The following KIF17 variants were observed in gnomAD, a reference collection of about 807,000 sequenced individuals.
The protein encoded by KIF17 is kinesin-like protein KIF17.
A neutral mutation model predicts 96.8 loss-of-function variants in KIF17; 80 were observed. That is an observed-to-expected ratio of 0.83 (90% CI 0.69 to 1.00). The LOEUF is 1.00. Ranked by LOEUF, KIF17 falls within the 50% of genes least tolerant of loss-of-function variation. The probability of loss-of-function intolerance (pLI) is 0.00; values close to 1 mark genes in which losing one functional copy is unlikely to be tolerated. For missense variants in KIF17, 1,280 were observed against 1,372.9 expected (o/e 0.93, Z 1.07); for synonymous variants, 567 against 587.5 (o/e 0.97, Z 0.51).
chr1:20,713,300 A>G (rs2054510655), intron 3 of KIF17, among the ~76,000 whole-genome samples, 154 bp downstream of exon 3: 1 of 150,982 alleles, frequency 6.6e-6, no homozygotes, highest in South Asian at 2.1e-4. Context: ...CTGCCTAAAA[A>G]AGTTTTTTTT....
At position 20,672,780 on chromosome 1, in the gene KIF17, C is replaced by A. The variant is rs1391848436; in HGVS notation, c.2464-584G>T. 5.9e-6 allele frequency: 1 copy of A among 170,116 alleles called. No individual in the cohort carries two copies. The highest frequency in any genetic ancestry group is 2.4e-5 in the African/African-American group (1 of 42,120). The allele number at this position is 170,116 out of a possible 1,614,324, so 10.5% of individuals were successfully genotyped here. On this transcript the variant is annotated intron_variant, in intron 11 of 14. Transcript: ENST00000400463. This position sits in a 1 kb window ranked among gnomAD's most constrained non-coding sequence, Gnocchi z 4.3. Reference sequence around the variant, plus strand: ...ATCAAGGGTTCCAGATTCTTTTGGTCTCCTGCTCAAGTCTGCCAGACCGGT... The same window carrying A: ...ATCAAGGGTTCCAGATTCTTTTGGTATCCTGCTCAAGTCTGCCAGACCGGT...
At chr1:20,710,312 C>G (rs754046592) in intron 3 of KIF17, among the ~76,000 whole-genome samples, 1 of 152,174 alleles carries the variant, frequency 6.6e-6, no homozygotes, top group African/African-American at 2.4e-5. Flanking sequence ...TCCCTTTGCC[C>G]GTTGCTAAGG....
intron 13 of KIF17, among the ~76,000 whole-genome samples, 173 bp from the exon 14 acceptor site, chr1:20,666,504 A>G (rs917668970): frequency 6.6e-6 from 1 of 151,980 alleles, no homozygotes; most frequent in African/African-American, 2.4e-5. Flanking sequence ...TAGATCCTGG[A>G]CTCGGGGGTG....
At chr1:20,694,547 CAG>C (rs954736938) in intron 6 of KIF17, among the ~76,000 whole-genome samples, 13 of 152,258 alleles carry the variant, frequency 8.5e-5, no homozygotes, top group African/African-American at 2.9e-4. Context: ...TGTAGTAAGC[CAG>C]AGAGAGGGGA....
intron 3 of KIF17, among the ~76,000 whole-genome samples, chr1:20,712,726 A>ATATATAATATAGATAATAT (rs1557606684): frequency 4.2e-5 from 1 of 23,614 alleles, no homozygotes; most frequent in African/African-American, 1.3e-4. Context: ...AAATTATATT[A>ATATATAATATAGATAATAT]TATCTATATA....
At chr1:20,667,515 C>G (rs971821949) in intron 13 of KIF17, among the ~76,000 whole-genome samples, 2 of 152,186 alleles carry the variant, frequency 1.3e-5, no homozygotes, top group Non-Finnish European at 2.9e-5. Context: ...CATCCCGAAA[C>G]TATCAGACCC....
Position 20,664,553 on chromosome 1 carries a change from C to T in KIF17, c.*31G>A. 5 of 1,613,808 alleles carry T rather than the reference C, an allele frequency of 3.1e-6. No individual in the cohort carries two copies. The highest frequency in any genetic ancestry group is 3.4e-6 in the Non-Finnish European group (4 of 1,180,020). On this transcript the variant is annotated 3_prime_UTR_variant, in exon 15 of 15. Coordinates refer to ENST00000400463, the MANE Select transcript of KIF17 (RefSeq NM_001122819.3). ...GGAGGGCCTGGCAGTCTCTACATGC[C>T]TATAAGGCAGGCAATGGCAAGCAGC...
rs1486939108 is a variant in KIF17 at position 20,685,918 on chromosome 1, G to A, written c.2019+128C>T. 6.3e-6 allele frequency: 5 copies of A among 798,590 alleles called. No individual in the cohort carries two copies. Among genetic ancestry groups the A allele is most frequent in the Non-Finnish European group, 1.1e-5 (5 of 469,110 alleles). 49.5% of individuals were successfully genotyped at this position (798,590 alleles called of 1,614,324 possible). ...GCCACGGGCCACAAGCCCGGGGAAG[G>A]CTGGAGTTGTTGTTCTCAGCTCATG... On this transcript the variant is annotated intron_variant, in intron 9 of 14. Transcript: ENST00000400463. This position sits in a 1 kb window ranked among gnomAD's most constrained non-coding sequence, Gnocchi z 4.1.
At chr1:20,703,180 T>TGGATGGAC (rs371412246) in intron 5 of KIF17, among the ~76,000 whole-genome samples, 15,167 of 149,898 alleles carry the variant, frequency 0.1, 923 homozygotes, top group African/African-American at 0.16. Flanking sequence ...GATGGATGAA[T>TGGATGGAC]GGATGGACGG....
chr1:20,678,388 C>T lies in KIF17; in HGVS notation c.2463+4265G>A, dbSNP rs181574114. Among the ~76,000 whole-genome samples, 677 of 152,092 alleles carry T rather than the reference C, an allele frequency of 4.5e-3. 4 individuals carry two copies. Among genetic ancestry groups the T allele is most frequent in the South Asian group, 8.7e-3 (42 of 4,822 alleles). ...CCATAACAGTGTGTATACACACATACGTACATATTTCCTTATACAAAAAAA... is the reference window on the plus strand; with the variant it reads ...CCATAACAGTGTGTATACACACATATGTACATATTTCCTTATACAAAAAAA... On this transcript the variant is annotated intron_variant, in intron 11 of 14. Transcript: ENST00000400463.
chr1:20,662,955 C>T (rs759903197), downstream of KIF17, among the ~76,000 whole-genome samples: 3 of 152,152 alleles, frequency 2.0e-5, no homozygotes, highest in Non-Finnish European at 2.9e-5. Flanking sequence ...CGACCAGGCG[C>T]GGTGGCTCAC....
downstream of KIF17, among the ~76,000 whole-genome samples, chr1:20,661,736 G>A (rs1457046883): frequency 6.6e-6 from 1 of 152,280 alleles, no homozygotes; most frequent in Non-Finnish European, 1.5e-5. Flanking sequence ...CCCCGGGCTT[G>A]ACCGTCGCGT....
chr1:20,701,958 A>G (rs1453403042), intron 5 of KIF17, among the ~76,000 whole-genome samples: 1 of 152,106 alleles, frequency 6.6e-6, no homozygotes, highest in Non-Finnish European at 1.5e-5. Context: ...GCTAAGGGGG[A>G]AATGTCTAAA....
Position 20,699,970 on chromosome 1 carries a change from C to T in KIF17, c.1124-1482G>A, listed in dbSNP as rs996141808. On this transcript the variant is annotated intron_variant, in intron 5 of 14. Coordinates refer to ENST00000400463, the MANE Select transcript of KIF17 (RefSeq NM_001122819.3). The surrounding 1 kb of genome is among the most constrained non-coding windows in gnomAD (Gnocchi z 4.3). ...CCCTGGCTGCTGCGTGGAGAGTGCA[C>T]TGAGGGGAACCAGGGTTAGGCACGA... Among the ~76,000 whole-genome samples, 3 of 152,170 alleles carry T rather than the reference C, an allele frequency of 2.0e-5. No individual in the cohort carries two copies. Among genetic ancestry groups the T allele is most frequent in the Admixed American group, 6.5e-5 (1 of 15,276 alleles).
downstream of KIF17, chr1:20,661,656 T>G: frequency 2.1e-6 from 1 of 476,678 alleles, no homozygotes; most frequent in Non-Finnish European, 3.8e-6. Flanking sequence ...CGAGCGCCCT[T>G]TGCTCCGCCC....
At position 20,704,363 on chromosome 1, in the gene KIF17, G is replaced by T; in HGVS notation, c.1123+84C>A. The T allele has an allele frequency of 1.8e-6, 2 of 1,123,670 alleles. No individual in the cohort carries two copies. The highest frequency in any genetic ancestry group is 2.6e-6 in the Non-Finnish European group (2 of 763,332). 69.6% of individuals were successfully genotyped at this position (1,123,670 alleles called of 1,614,324 possible). ...TGCTGCTCCCACTGTCTTTTAGGTG[G>T]GAAGTTGGAGGCGAGAAGACAGAGG... On this transcript the variant is annotated intron_variant, in intron 5 of 14. Transcript: ENST00000400463. The surrounding 1 kb of genome is among the most constrained non-coding windows in gnomAD (Gnocchi z 6.8).
intron 6 of KIF17, among the ~76,000 whole-genome samples, chr1:20,691,657 C>T (rs1309390647): frequency 1.2e-4 from 16 of 136,592 alleles, no homozygotes; most frequent in East Asian, 2.3e-4. Flanking sequence ...TTAGTAGAGA[C>T]GGAGTTTCAC....
chr1:20,662,144 TAATTA>T (rs2053445737), downstream of KIF17, among the ~76,000 whole-genome samples: 1 of 152,256 alleles, frequency 6.6e-6, no homozygotes, highest in South Asian at 2.1e-4. Context: ...AACAGCCATT[TAATTA>T]CCTCATCTCT....
chr1:20,674,670 C>T (rs1457803306), intron 11 of KIF17, among the ~76,000 whole-genome samples: 1 of 150,470 alleles, frequency 6.6e-6, no homozygotes, highest in Admixed American at 6.7e-5. Flanking sequence ...CCTACGTTTT[C>T]TTCCAAGAGT....
Sources: gnomAD v4.1 joint callset for allele counts (sites outside exome capture counted in the v4.1 genomes callset) on GRCh38, gnomAD v4.1.1 for gene constraint, Gnocchi (gnomAD v3.1) non-coding constraint, MANE v1.5 for transcripts, NCBI Gene and HGNC (gene_info 2026-07-23, HGNC 2026-07-21) for gene names.